SHQ1: variants seen among roughly 807,000 people sequenced by gnomAD.
The protein encoded by SHQ1 is SHQ1, H/ACA ribonucleoprotein assembly factor.
A neutral mutation model predicts 53.8 loss-of-function variants in SHQ1; 49 were observed. The ratio of observed to expected loss-of-function variants is 0.91; its 90% CI spans 0.72 to 1.16. The LOEUF is 1.16. Among genes scored for constraint, SHQ1 ranks in the 50% most tolerant of loss-of-function variants. The pLI, the probability that SHQ1 is intolerant of heterozygous loss-of-function variation, is 0.00. For synonymous variants in SHQ1, 243 were observed against 251.0 expected (o/e 0.97, Z 0.30); for missense variants, 738 against 683.1 (o/e 1.08, Z -0.90).
chr3:72,812,775 T>C lies in SHQ1; in HGVS notation c.956A>G (p.Asp319Gly), dbSNP rs1487433601. The C allele has an allele frequency of 2.5e-6, 4 of 1,614,018 alleles. No homozygotes were observed. Among genetic ancestry groups the C allele is most frequent in the East Asian group, 2.2e-5 (1 of 44,828 alleles). Residue 319 changes from aspartate (D) to glycine (G), a missense_variant, in exon 9 of 11, where the codon GAT (aspartate) becomes GGT (glycine). Asp to Gly is a moderately conservative substitution (Grantham distance 94, BLOSUM62 -1). Transcript: ENST00000325599. ...CCTTCTTCCAAAAGACACCATGATA[T>C]CATGAACGTTAGTCCAAGTCTGTGA... Reference protein sequence around the residue: ...CWFETWTNVHDIMVSFGRRVL... With the variant: ...CWFETWTNVHGIMVSFGRRVL...
At chr3:72,818,374 C>T (rs1357518497) in intron 6 of SHQ1, among the ~76,000 whole-genome samples, 1 of 152,102 alleles carries the variant, frequency 6.6e-6, no homozygotes, top group Non-Finnish European at 1.5e-5. Flanking sequence ...ATCCTATGTC[C>T]TTGATTATTA....
chr3:72,824,388 A>T, intron 6 of SHQ1, 36 bp downstream of exon 6: 1 of 1,608,098 alleles, frequency 6.2e-7, no homozygotes, highest in Non-Finnish European at 8.5e-7. Flanking sequence ...ATGAGATTTT[A>T]AAATGAAACA....
intron 2 of SHQ1, among the ~76,000 whole-genome samples, chr3:72,843,792 A>G (rs1424369486): frequency 6.6e-6 from 1 of 151,738 alleles, no homozygotes; most frequent in African/African-American, 2.4e-5. Flanking sequence ...GTCAATATTC[A>G]TTGAATAAAG....
intron 10 of SHQ1, among the ~76,000 whole-genome samples, chr3:72,776,523 C>T (rs1169599649): frequency 1.3e-5 from 2 of 152,062 alleles, no homozygotes; most frequent in African/African-American, 4.8e-5. Context: ...CTTCTTAGAA[C>T]GTATCCCTAT....
chr3:72,734,254 A>AT, the SHQ1 span, among the ~76,000 whole-genome samples: 1 of 150,802 alleles, frequency 6.6e-6, no homozygotes, highest in Admixed American at 6.6e-5. Context: ...TTTTTATTTT[A>AT]TTTATTTATT....
chr3:72,836,920 G>C (rs1361938899), intron 4 of SHQ1, among the ~76,000 whole-genome samples: 2 of 152,226 alleles, frequency 1.3e-5, no homozygotes, highest in Admixed American at 6.5e-5. Context: ...GTTAGGCAGA[G>C]ACAATCCAGA....
At chr3:72,746,186 C>A (rs115721400), downstream of SHQ1, among the ~76,000 whole-genome samples, 1 of 152,158 alleles carries the variant, frequency 6.6e-6, no homozygotes, top group Non-Finnish European at 1.5e-5. Flanking sequence ...GAGTCCCCCC[C>A]TCGTGAGCCA....
chr3:72,792,270 T>C (rs958773166), intron 10 of SHQ1, among the ~76,000 whole-genome samples: 1 of 152,222 alleles, frequency 6.6e-6, no homozygotes, highest in Non-Finnish European at 1.5e-5. Flanking sequence ...CAAGTTCAGA[T>C]ACCCAGTCTT....
chr3:72,786,687 A>G (rs1486653173), intron 10 of SHQ1, among the ~76,000 whole-genome samples: 1 of 152,116 alleles, frequency 6.6e-6, no homozygotes, highest in Non-Finnish European at 1.5e-5. Context: ...GGTATAATAC[A>G]TTACATCTGC....
chr3:72,745,159 A>T (rs893034336), downstream of SHQ1, among the ~76,000 whole-genome samples: 17 of 150,888 alleles, frequency 1.1e-4, no homozygotes, highest in East Asian at 1.4e-3. Context: ...TTTTTTTTTT[A>T]AATAATTTTA....
rs184124290 is a variant in SHQ1 at position 72,824,435 on chromosome 3, T to C, written c.716A>G (p.His239Arg). The C allele has an allele frequency of 4.3e-5, 69 of 1,611,292 alleles. No individual in the cohort carries two copies. The highest frequency in any genetic ancestry group is 5.3e-5 in the Non-Finnish European group (62 of 1,179,614). ...FLEKSQEQEN[H>R]ATLVSFSEEE... ...TTTGAGTTTCTTACCTAATGTAGCA[T>C]GATTTTCTTGTTCCTGACTCTTTTC... Residue 239 changes from histidine to arginine, a missense_variant, in exon 6 of 11, where the codon CAT (histidine) becomes CGT (arginine). His to Arg is a conservative substitution (Grantham distance 29). Coordinates refer to ENST00000325599, the MANE Select transcript of SHQ1 (RefSeq NM_018130.3).
intron 10 of SHQ1, chr3:72,773,442 G>T: frequency 2.5e-6 from 1 of 398,266 alleles, no homozygotes; most frequent in Non-Finnish European, 4.9e-6. Flanking sequence ...CACCAAAATC[G>T]GAGTGATCAG....
chr3:72,796,030 G>GA lies in SHQ1; in HGVS notation c.1061-2995dup, dbSNP rs1706603747. Among the ~76,000 whole-genome samples the GA allele has an allele frequency of 5.4e-5, 8 of 149,420 alleles. No individual in the cohort carries two copies. In the South Asian group the frequency reaches 1.7e-3, roughly 31 times the overall value. ...AGGCAGGAGAATCACTGGACCCGGG[G>GA]AGGCAGAGGTTGCAGTGAGCCAAGA... On this transcript the variant is annotated intron_variant, in intron 9 of 10. Transcript: ENST00000325599.
chr3:72,823,116 T>G (rs1224625607), intron 6 of SHQ1, among the ~76,000 whole-genome samples: 2 of 137,110 alleles, frequency 1.5e-5, no homozygotes, highest in Admixed American at 1.6e-4. Flanking sequence ...GCCACTGCAC[T>G]CCAGCCTGGG....
At chr3:72,802,484 C>T (rs183358322) in intron 9 of SHQ1, among the ~76,000 whole-genome samples, 30 of 152,342 alleles carry the variant, frequency 2.0e-4, no homozygotes, top group Non-Finnish European at 1.6e-4. Flanking sequence ...TTGCAGGCTC[C>T]TTTCAGCCCG....
the SHQ1 span, among the ~76,000 whole-genome samples, chr3:72,727,660 C>T: frequency 5.3e-5 from 8 of 152,234 alleles, no homozygotes; most frequent in South Asian, 1.2e-3. Context: ...TTTGGGAGGG[C>T]AACGGTACAG....
the SHQ1 span, among the ~76,000 whole-genome samples, chr3:72,736,490 T>A: frequency 2.4e-3 from 364 of 151,734 alleles, 1 homozygote; most frequent in Admixed American, 3.6e-3. Context: ...AAAATTTTTT[T>A]AAAAAAATCC....
At chr3:72,756,954 T>C (rs956807283) in intron 10 of SHQ1, among the ~76,000 whole-genome samples, 2 of 152,194 alleles carry the variant, frequency 1.3e-5, no homozygotes, top group South Asian at 2.1e-4. Context: ...TTGGTGACTG[T>C]AGGAGGGGGA....
chr3:72,839,836 C>A lies in SHQ1; in HGVS notation c.486+1209G>T, dbSNP rs144682083. On this transcript the variant is annotated intron_variant, in intron 4 of 10. Coordinates refer to ENST00000325599, the MANE Select transcript of SHQ1 (RefSeq NM_018130.3). ...AGTGCAGTGGCGAGATCTCAGCTCA[C>A]TGCAACCTCTGCTTCCCGGGTTCAA... Among the ~76,000 whole-genome samples the A allele has an allele frequency of 4.3e-3, 653 of 152,234 alleles. 5 individuals are homozygous for A. Among genetic ancestry groups the A allele is most frequent in the African/African-American group, 0.015 (620 of 41,582 alleles).
Sources: gnomAD v4.1 joint callset for allele counts (sites outside exome capture counted in the v4.1 genomes callset) on GRCh38, gnomAD v4.1.1 for gene constraint, MANE v1.5 for transcripts, NCBI Gene and HGNC (gene_info 2026-07-23, HGNC 2026-07-21) for gene names.